Variants in GRID2 observed in about 807,000 individuals in gnomAD.
GRID2 encodes glutamate receptor ionotropic, delta-2.
In GRID2, 33 loss-of-function variants were observed where a neutral mutation model predicts 114.8. The ratio of observed to expected loss-of-function variants is 0.29; its 90% CI spans 0.22 to 0.38. GRID2 has a LOEUF of 0.38. Ranked by LOEUF, GRID2 falls within the 10% of genes least tolerant of loss-of-function variation. GRID2 has a pLI of 1.00. For missense variants in GRID2, 1,184 were observed against 1,257.7 expected (o/e 0.94, Z 0.89); for synonymous variants, 505 against 449.9 (o/e 1.12, Z -1.55).
intron 3 of GRID2, among the ~76,000 whole-genome samples, chr4:93,090,260 G>A (rs189926609): frequency 7.9e-5 from 12 of 152,232 alleles, no homozygotes; most frequent in Admixed American, 3.9e-4. Flanking sequence ...CCAGGGTCCT[G>A]GACCCAGTCA....
At chr4:92,333,425 G>A (rs1726995797) in intron 1 of GRID2, among the ~76,000 whole-genome samples, 2 of 152,160 alleles carry the variant, frequency 1.3e-5, no homozygotes, top group South Asian at 4.1e-4. Flanking sequence ...TAAGATCTCA[G>A]AAATGCCTTT....
At chr4:93,181,900 A>T (rs1173784894) in intron 4 of GRID2, among the ~76,000 whole-genome samples, 2 of 152,216 alleles carry the variant, frequency 1.3e-5, no homozygotes, top group African/African-American at 4.8e-5. Flanking sequence ...AGTTTATCTT[A>T]ATAAAAATCC....
chr4:92,604,496 C>T (rs944845574), intron 2 of GRID2, among the ~76,000 whole-genome samples: 1 of 151,798 alleles, frequency 6.6e-6, no homozygotes, highest in Non-Finnish European at 1.5e-5. Context: ...AATGAGAACA[C>T]ATGGACACAG....
chr4:92,837,572 C>G (rs1273898413), intron 2 of GRID2, among the ~76,000 whole-genome samples: 1 of 151,046 alleles, frequency 6.6e-6, no homozygotes, highest in African/African-American at 2.4e-5. Flanking sequence ...GAATTTCTGT[C>G]TAAATAAGAT....
chr4:92,892,477 A>G (rs1373565627), intron 2 of GRID2, among the ~76,000 whole-genome samples: 2 of 152,152 alleles, frequency 1.3e-5, no homozygotes, highest in African/African-American at 4.8e-5. Flanking sequence ...TCTGAGAGAT[A>G]TATTTTCTTC....
intron 1 of GRID2, among the ~76,000 whole-genome samples, chr4:92,323,196 T>C (rs1343601239): frequency 6.6e-6 from 1 of 152,136 alleles, no homozygotes; most frequent in Non-Finnish European, 1.5e-5. Flanking sequence ...ACAGTTTTGA[T>C]CATTTTTATT....
chr4:93,265,344 A>G (rs1750704159), intron 8 of GRID2, among the ~76,000 whole-genome samples: 1 of 152,180 alleles, frequency 6.6e-6, no homozygotes, highest in African/African-American at 2.4e-5. Flanking sequence ...TCTCCATTTA[A>G]TTCTTTACTT....
rs955898380 is a variant in GRID2 at position 92,614,917 on chromosome 4, G to A, written c.244+24631G>A. Among the ~76,000 whole-genome samples, 4 of 150,064 alleles carry A rather than the reference G, an allele frequency of 2.7e-5. No individual in the cohort carries two copies. In the South Asian group the frequency reaches 8.4e-4, roughly 32 times the overall value. ...TTTAGAATTATTATATTTTACTGAT[G>A]AATTTAGTCTTTTATACTTTGCTAT... is the stretch of plus-strand genomic sequence containing the variant. On this transcript the variant is annotated intron_variant, in intron 2 of 15. Coordinates refer to ENST00000282020, the MANE Select transcript of GRID2 (RefSeq NM_001510.4).
chr4:92,639,969 A>G (rs1189479535), intron 2 of GRID2, among the ~76,000 whole-genome samples: 1 of 151,752 alleles, frequency 6.6e-6, no homozygotes, highest in Non-Finnish European at 1.5e-5. Context: ...CTTGAATCTT[A>G]TGATTTCTAA....
chr4:93,010,176 C>A (rs188562174), intron 2 of GRID2, among the ~76,000 whole-genome samples: 5 of 151,982 alleles, frequency 3.3e-5, no homozygotes, highest in Admixed American at 2.6e-4. Flanking sequence ...TTTTTTTTAT[C>A]ATTTTAGATT....
chr4:93,552,726 G>A (rs963393001), intron 13 of GRID2, among the ~76,000 whole-genome samples: 5 of 151,916 alleles, frequency 3.3e-5, no homozygotes, highest in African/African-American at 7.3e-5. Context: ...GTTGGTTTGC[G>A]GCACCCATCA....
intron 2 of GRID2, among the ~76,000 whole-genome samples, chr4:92,919,242 T>C (rs920525006): frequency 1.3e-5 from 2 of 152,198 alleles, no homozygotes; most frequent in African/African-American, 4.8e-5. Context: ...TCTTCTCTCA[T>C]TTCTTCTTTA....
At chr4:92,367,951 T>C (rs1455301342) in intron 1 of GRID2, among the ~76,000 whole-genome samples, 1 of 152,058 alleles carries the variant, frequency 6.6e-6, no homozygotes, top group Non-Finnish European at 1.5e-5. Context: ...GGAGTGCTAG[T>C]TGACAGCAAG....
chr4:93,123,890 C>T (rs543050322), intron 4 of GRID2, among the ~76,000 whole-genome samples: 1 of 143,180 alleles, frequency 7.0e-6, no homozygotes, highest in Non-Finnish European at 1.5e-5. Flanking sequence ...TGAGTTTTCC[C>T]TCCATGAAAT....
intron 4 of GRID2, among the ~76,000 whole-genome samples, chr4:93,159,693 A>ATTTTTTTTTTTTTTTTTT (rs34480915): frequency 1.5e-5 from 2 of 131,092 alleles, no homozygotes; most frequent in Non-Finnish European, 3.2e-5. Flanking sequence ...TTCCATCTGC[A>ATTTTTTTTTTTTTTTTTT]TTTTTTTTTT....
chr4:93,021,339 G>A (rs1212592771), intron 2 of GRID2, among the ~76,000 whole-genome samples: 2 of 150,372 alleles, frequency 1.3e-5, no homozygotes, highest in Non-Finnish European at 3.0e-5. Flanking sequence ...TAATAACTTA[G>A]AAGAAAATGA....
chr4:93,763,014 T>A (rs1733344997), intron 14 of GRID2, among the ~76,000 whole-genome samples: 1 of 152,044 alleles, frequency 6.6e-6, no homozygotes, highest in Non-Finnish European at 1.5e-5. Context: ...AAGCCCTACA[T>A]TAGCCAACTT....
intron 14 of GRID2, among the ~76,000 whole-genome samples, chr4:93,671,504 A>C (rs1489319663): frequency 6.6e-6 from 1 of 152,062 alleles, no homozygotes; most frequent in Non-Finnish European, 1.5e-5. Flanking sequence ...CTTTATACTA[A>C]TTGTGAGGCC....
chr4:93,311,634 G>C (rs992445228), intron 8 of GRID2, among the ~76,000 whole-genome samples: 1 of 152,190 alleles, frequency 6.6e-6, no homozygotes, highest in African/African-American at 2.4e-5. Flanking sequence ...TTAGCACAGA[G>C]TATTGAGAAA....
Sources: gnomAD v4.1 joint callset for allele counts (sites outside exome capture counted in the v4.1 genomes callset) on GRCh38, gnomAD v4.1.1 for gene constraint, MANE v1.5 for transcripts, NCBI Gene and HGNC (gene_info 2026-07-23, HGNC 2026-07-21) for gene names.